The following RBCK1 variants were observed in gnomAD, a reference collection of about 807,000 sequenced individuals.
RBCK1 encodes RANBP2-type and C3HC4-type zinc finger containing 1, also known as ranBP-type and C3HC4-type zinc finger-containing protein 1.
In RBCK1, 44 loss-of-function variants were observed where a neutral mutation model predicts 71.1. The observed-to-expected ratio is 0.62, with a 90% CI of 0.49 to 0.80. The LOEUF (loss-of-function observed/expected upper bound fraction) is 0.80, where lower values mean the gene tolerates loss of function less well. RBCK1 is among the 30% of genes least tolerant of loss of function. The pLI is 0.00. For missense variants in RBCK1, 569 were observed against 685.0 expected, an observed-to-expected ratio of 0.83 and a Z score of 1.89; for synonymous variants, 306 against 279.7, an observed-to-expected ratio of 1.09 and a Z score of -0.94.
At position 428,803 on chromosome 20, in the gene RBCK1, G is replaced by T. The variant is rs1258401372; in HGVS notation, c.1309-148G>T. ...GTGGAGACCACAGGAATGAAGAGGG[G>T]GTTGCTGGATGGAGCCTGGCCTGGC... is the stretch of plus-strand genomic sequence containing the variant. On this transcript the variant is annotated intron_variant, in intron 10 of 11. Transcript: ENST00000356286. The surrounding 1 kb of genome is among the most constrained non-coding windows in gnomAD (Gnocchi z 5.7). 2.1e-6 allele frequency: 3 copies of T among 1,434,384 alleles called. No individual in the cohort carries two copies. Among genetic ancestry groups the T allele is most frequent in the East Asian group, 5.0e-5 (2 of 39,614 alleles). 88.9% of individuals were successfully genotyped at this position (1,434,384 alleles called of 1,614,324 possible).
At chr20:409,576 C>G (rs1431234372) in intron 1 of RBCK1, among the ~76,000 whole-genome samples, 2 of 151,866 alleles carry the variant, frequency 1.3e-5, no homozygotes, top group African/African-American at 4.8e-5. Flanking sequence ...GTTCCTGGGA[C>G]AGTGGGTGGC....
intron 4 of RBCK1, among the ~76,000 whole-genome samples, chr20:418,438 G>T (rs138026431): frequency 6.6e-6 from 1 of 151,764 alleles, no homozygotes; most frequent in Non-Finnish European, 1.5e-5. Flanking sequence ...GCACAATCTC[G>T]GCTCACTGCA....
rs2016869966 is a variant in RBCK1 at position 428,857 on chromosome 20, C to G, written c.1309-94C>G. ...GCCACACAGGAGAGACTCCACAGCT[C>G]TAGAGGGTCACCACCTTCTCCCTGC... is the stretch of plus-strand genomic sequence containing the variant. On this transcript the variant is annotated intron_variant, in intron 10 of 11. Transcript: ENST00000356286. This position sits in a 1 kb window ranked among gnomAD's most constrained non-coding sequence, Gnocchi z 5.7. 5 of 1,479,562 alleles carry G rather than the reference C, an allele frequency of 3.4e-6. No individual in the cohort carries two copies. In the Admixed American group the frequency reaches 7.2e-5, roughly 21 times the overall value. 91.7% of individuals were successfully genotyped at this position (1,479,562 alleles called of 1,614,324 possible). A position where few individuals can be genotyped will look rare whatever the true frequency, so the allele number is the denominator to read the frequency against.
At position 417,683 on chromosome 20, in the gene RBCK1, C is replaced by G; in HGVS notation, c.262-49C>G. On this transcript the variant is annotated intron_variant, in intron 3 of 11. Coordinates refer to ENST00000356286, the MANE Select transcript of RBCK1 (RefSeq NM_031229.4). The surrounding 1 kb of genome is among the most constrained non-coding windows in gnomAD (Gnocchi z 4.7). ...TCTCCCTTTCACTCCTGCTTCCTCT[C>G]TCTCCTCTGGCCCTCCCTTCCCACT... The G allele has an allele frequency of 2.5e-6, 4 of 1,604,224 alleles. No homozygotes were observed. Among genetic ancestry groups the G allele is most frequent in the Non-Finnish European group, 3.4e-6 (4 of 1,171,758 alleles).
At chr20:424,011 T>C (rs1284921759) in intron 8 of RBCK1, among the ~76,000 whole-genome samples, 3 of 152,210 alleles carry the variant, frequency 2.0e-5, no homozygotes, top group Non-Finnish European at 2.9e-5. Context: ...TGCTCATTTC[T>C]CACTTGACAC....
intron 2 of RBCK1, chr20:410,681 G>T: frequency 1.5e-6 from 1 of 657,498 alleles, no homozygotes. Context: ...CTGTGCTCCA[G>T]GAGACTTAAA....
intron 4 of RBCK1, among the ~76,000 whole-genome samples, chr20:418,978 AGTTTCTTTTTTTTGGCGG>A (rs1348981709): frequency 6.6e-6 from 1 of 152,110 alleles, no homozygotes; most frequent in Non-Finnish European, 1.5e-5. Context: ...AGTCCAGGCC[AGTTTCTTTTTTTTGGCGG>A]GGGTTGGGGG....
Position 428,585 on chromosome 20 carries a change from T to C in RBCK1, c.1304T>C (p.Leu435Pro), listed in dbSNP as rs1208529314. ...GCTGCCCGGCAGACGACAGAGATGC[T>C]GAAGGTGAGGCTGGGACAGGGCCGA... ...DVAARQTTEM[L>P]KVMLQQGEAM... The change falls in exon 10 of 12, where the codon CTG (leucine) becomes CCG (proline). Residue 435 changes from leucine to proline, a missense_variant. Leu to Pro is a moderately conservative substitution (Grantham distance 98). Around this residue, in one of 2 missense-constraint regions of RBCK1, gnomAD observed 211 missense variants for 309.4 expected, o/e 0.68. Coordinates refer to ENST00000356286, the MANE Select transcript of RBCK1 (RefSeq NM_031229.4). The surrounding 1 kb of genome is among the most constrained non-coding windows in gnomAD (Gnocchi z 5.7). 1 of 1,609,996 alleles carries C rather than the reference T, an allele frequency of 6.2e-7. No individual in the cohort carries two copies.
intron 2 of RBCK1, among the ~76,000 whole-genome samples, chr20:416,550 C>T (rs553870653): frequency 6.6e-6 from 1 of 152,308 alleles, no homozygotes; most frequent in Admixed American, 6.5e-5. Context: ...AGTTAGACTT[C>T]ACTGTTGCTT....
rs148082482 is a variant in RBCK1 at position 409,008 on chromosome 20, G to T, written c.22+229G>T. 1.4e-3 allele frequency among the ~76,000 whole-genome samples: 211 copies of T among 152,352 alleles called. 1 individual carries two copies. The highest frequency in any genetic ancestry group is 2.6e-3 in the Non-Finnish European group (177 of 68,022). On this transcript the variant is annotated intron_variant, in intron 1 of 11. Transcript: ENST00000356286. The stretch of plus-strand genomic sequence containing the variant: ...GTGCTGAGATGGGGCTAGGGGACTC[G>T]CAGAGGACACAGGGCATTGAACTTG...
intron 8 of RBCK1, among the ~76,000 whole-genome samples, chr20:423,576 T>A (rs2016556260): frequency 6.6e-6 from 1 of 152,198 alleles, no homozygotes; most frequent in Non-Finnish European, 1.5e-5. Flanking sequence ...ACATTTATGT[T>A]ATATTAGGTA....
chr20:426,612 C>A (rs2016727707), intron 8 of RBCK1, among the ~76,000 whole-genome samples: 6 of 152,050 alleles, frequency 3.9e-5, no homozygotes, highest in Admixed American at 3.9e-4. Flanking sequence ...TTAATCATGT[C>A]TTTCCCAACA....
chr20:425,597 C>T (rs1399818130), intron 8 of RBCK1, among the ~76,000 whole-genome samples: 1 of 150,368 alleles, frequency 6.7e-6, no homozygotes, highest in Non-Finnish European at 1.5e-5. Flanking sequence ...TTGTAATACT[C>T]CTTCAAGGAA....
intron 8 of RBCK1, among the ~76,000 whole-genome samples, chr20:426,168 G>A (rs574141365): frequency 5.6e-4 from 86 of 152,302 alleles, no homozygotes; most frequent in Middle Eastern, 6.8e-3. Flanking sequence ...TCACATCATG[G>A]AGAATGGGGA....
intron 6 of RBCK1, chr20:420,295 A>G (rs2016308877): frequency 1.0e-6 from 1 of 964,984 alleles, no homozygotes; most frequent in Non-Finnish European, 1.2e-6. Flanking sequence ...CCCCGCCCCC[A>G]TCGTGACACA....
rs2017005123 is a variant in RBCK1, at chr20:431,264, G to A, written c.*834G>A. ...CGGGAGGGGAAGTCTTGCCACTCCT[G>A]CTCCCTTTTGACCTCTCAGCAGGCA... On this transcript the variant is annotated 3_prime_UTR_variant, in exon 12 of 12. Coordinates refer to ENST00000356286, the MANE Select transcript of RBCK1 (RefSeq NM_031229.4). The surrounding 1 kb of genome is among the most constrained non-coding windows in gnomAD (Gnocchi z 4.8). Among the ~76,000 whole-genome samples the A allele has an allele frequency of 6.6e-6, 1 of 152,122 alleles. No individual in the cohort carries two copies. Among genetic ancestry groups the A allele is most frequent in the African/African-American group, 2.4e-5 (1 of 41,420 alleles).
In RBCK1 at chr20:417,493, G is replaced by A; in HGVS notation, c.168-33G>A. ...GTGGCTGAGGCTGGACCCCTGGCCA[G>A]AGCCCATGCTGAGCCCCTGCTGTTC... On this transcript the variant is annotated intron_variant, in intron 2 of 11. Transcript: ENST00000356286. This position sits in a 1 kb window ranked among gnomAD's most constrained non-coding sequence, Gnocchi z 4.7. 1 of 1,606,286 alleles carries A rather than the reference G, an allele frequency of 6.2e-7. No individual in the cohort carries two copies. The highest frequency in any genetic ancestry group is 8.5e-7 in the Non-Finnish European group (1 of 1,175,098).
chr20:416,988 CTTAAAA>C (rs1165119990), intron 2 of RBCK1, among the ~76,000 whole-genome samples: 1 of 152,124 alleles, frequency 6.6e-6, no homozygotes, highest in Non-Finnish European at 1.5e-5. Context: ...GAGCCTGTGT[CTTAAAA>C]TTAAATCAAG....
At chr20:413,917 CAAAAA>C (rs10706664) in intron 2 of RBCK1, among the ~76,000 whole-genome samples, 2 of 114,634 alleles carry the variant, frequency 1.7e-5, no homozygotes, top group East Asian at 2.4e-4. Flanking sequence ...GACAAATCAC[CAAAAA>C]AAAAAAAAAA....
Sources: allele counts gnomAD v4.1 joint callset (sites outside exome capture counted in the v4.1 genomes callset), GRCh38; gene constraint gnomAD v4.1.1; regional missense constraint gnomAD v4.1.1; non-coding constraint Gnocchi (gnomAD v3.1); transcripts MANE v1.5; gene names NCBI Gene and HGNC (gene_info 2026-07-23, HGNC 2026-07-21).